The following ADISSP variants were observed in gnomAD, a reference collection of about 807,000 sequenced individuals.
The protein encoded by ADISSP is adipose secreted signaling protein, also known as adipose-secreted signaling protein.
chr20:3,755,666 C>G, the ADISSP span: 1 of 1,479,978 alleles, frequency 6.8e-7, no homozygotes, highest in Non-Finnish European at 9.3e-7. Context: ...CGCAGGCCCA[C>G]CCAGTTGTGC....
the ADISSP span, chr20:3,755,563 A>G: frequency 1.9e-6 from 3 of 1,613,256 alleles, no homozygotes; most frequent in East Asian, 2.2e-5. Context: ...CTGGGGGCAG[A>G]GTGAAGGTAA....
the ADISSP span, chr20:3,767,341 G>C: frequency 9.2e-5 from 14 of 152,340 alleles, no homozygotes; most frequent in African/African-American, 2.9e-4. Flanking sequence ...GCAATGAACA[G>C]GGTCGTGGGG....
the ADISSP span, chr20:3,755,397 G>T: frequency 6.4e-5 from 94 of 1,465,058 alleles, no homozygotes; most frequent in Non-Finnish European, 8.4e-5. Context: ...ATCCACCCTA[G>T]TTGGAAGTAA....
chr20:3,761,937 T>C, the ADISSP span, among the ~76,000 whole-genome samples: 1 of 152,256 alleles, frequency 6.6e-6, no homozygotes, highest in Non-Finnish European at 1.5e-5. Flanking sequence ...GGCAGGATAT[T>C]CTACAGGATG....
chr20:3,757,476 T>G, the ADISSP span, among the ~76,000 whole-genome samples: 1 of 152,262 alleles, frequency 6.6e-6, no homozygotes, highest in Admixed American at 6.5e-5. Context: ...TCATGTCTAT[T>G]AAGACATGAG....
chr20:3,754,066 A>C, the ADISSP span: 1 of 1,612,588 alleles, frequency 6.2e-7, no homozygotes, highest in Non-Finnish European at 8.5e-7. Flanking sequence ...CCTCAGTCAA[A>C]GCCGTGCCAG....
the ADISSP span, among the ~76,000 whole-genome samples, chr20:3,762,904 A>G: frequency 6.6e-6 from 1 of 152,092 alleles, no homozygotes; most frequent in Non-Finnish European, 1.5e-5. Context: ...TTTTCACCAC[A>G]TCAGCTGCAA....
At chr20:3,760,191 A>C in the ADISSP span, 1 of 1,107,408 alleles carries the variant, frequency 9.0e-7, no homozygotes, top group Non-Finnish European at 1.3e-6. Flanking sequence ...GGGAGCCTGA[A>C]GGATAGGGAG....
the ADISSP span, among the ~76,000 whole-genome samples, chr20:3,762,744 C>T: frequency 6.6e-6 from 1 of 152,178 alleles, no homozygotes; most frequent in Non-Finnish European, 1.5e-5. Flanking sequence ...AAGTTACTTC[C>T]AAGTAGTTAT....
At chr20:3,767,012 G>T in the ADISSP span, among the ~76,000 whole-genome samples, 1 of 151,964 alleles carries the variant, frequency 6.6e-6, no homozygotes, top group Non-Finnish European at 1.5e-5. Flanking sequence ...AGGCCCCAAG[G>T]GTCCAGGTGT....
chr20:3,755,710 CCCCAGAGAG>C, the ADISSP span: 329 of 994,218 alleles, frequency 3.3e-4, 4 homozygotes, highest in East Asian at 5.5e-3. Context: ...GCACCTGCTT[CCCCAGAGAG>C]CCCAGAAAGC....
At chr20:3,758,689 T>C in the ADISSP span, 3 of 1,613,518 alleles carry the variant, frequency 1.9e-6, no homozygotes, top group South Asian at 3.3e-5. This position sits in a 1 kb window ranked among gnomAD's most constrained non-coding sequence, Gnocchi z 5.5. Context: ...CTAGGAAGAG[T>C]GGGAGAGGGC....
chr20:3,756,454 A>T, the ADISSP span, among the ~76,000 whole-genome samples: 1 of 23,754 alleles, frequency 4.2e-5, no homozygotes, highest in African/African-American at 1.3e-4. Flanking sequence ...CCACGCCAGC[A>T]GGCAAAGGGT....
the ADISSP span, chr20:3,754,046 G>T: frequency 6.2e-7 from 1 of 1,600,242 alleles, no homozygotes; most frequent in Non-Finnish European, 8.6e-7. Context: ...GGGGCAGGCG[G>T]GGCCTCGGGC....
At chr20:3,762,685 AAC>A in the ADISSP span, among the ~76,000 whole-genome samples, 2 of 152,188 alleles carry the variant, frequency 1.3e-5, no homozygotes, top group African/African-American at 2.4e-5. Context: ...TTACTAATAG[AAC>A]ACTACACTTC....
chr20:3,762,660 T>G, the ADISSP span, among the ~76,000 whole-genome samples: 1 of 152,192 alleles, frequency 6.6e-6, no homozygotes. Flanking sequence ...CAAATAAATT[T>G]TTGCAAATAA....
the ADISSP span, among the ~76,000 whole-genome samples, chr20:3,759,421 AG>A: frequency 2.0e-5 from 3 of 152,278 alleles, no homozygotes; most frequent in South Asian, 6.2e-4. This position sits in a 1 kb window ranked among gnomAD's most constrained non-coding sequence, Gnocchi z 4.6. Context: ...CAGGCAGGGT[AG>A]GCGGGAGCCG....
the ADISSP span, among the ~76,000 whole-genome samples, chr20:3,755,840 ATC>A: frequency 2.6e-5 from 4 of 152,190 alleles, no homozygotes; most frequent in African/African-American, 9.7e-5. Context: ...GATCCTCAGC[ATC>A]TGTCTCACGG....
the ADISSP span, among the ~76,000 whole-genome samples, chr20:3,759,116 C>G: frequency 6.6e-6 from 1 of 152,216 alleles, no homozygotes; most frequent in African/African-American, 2.4e-5. This position sits in a 1 kb window ranked among gnomAD's most constrained non-coding sequence, Gnocchi z 4.6. Context: ...GAGGCCCCTG[C>G]CTGCCCATCC....
Sources: allele counts gnomAD v4.1 joint callset (sites outside exome capture counted in the v4.1 genomes callset), GRCh38; gene constraint gnomAD v4.1.1; non-coding constraint Gnocchi (gnomAD v3.1); transcripts MANE v1.5; gene names NCBI Gene and HGNC (gene_info 2026-07-23, HGNC 2026-07-21).